The following PKIB variants were observed in gnomAD, a reference collection of about 807,000 sequenced individuals.
PKIB encodes the protein cAMP-dependent protein kinase inhibitor beta.
PKIB carries 2 observed loss-of-function variants against 4.5 expected under a neutral mutation model. That is an observed-to-expected ratio of 0.44 (90% confidence interval 0.18 to 1.39). PKIB has a LOEUF of 1.39. Ranked by LOEUF, PKIB falls within the 40% of genes most tolerant of loss-of-function variation. PKIB has a pLI of 0.27. For synonymous variants in PKIB, 38 were observed against 36.0 expected, an observed-to-expected ratio of 1.06 and a Z score of -0.20; for missense variants, 94 against 92.6, an observed-to-expected ratio of 1.02 and a Z score of -0.06.
intron 2 of PKIB, among the ~76,000 whole-genome samples, chr6:122,573,988 G>C (rs1329695876): frequency 6.6e-6 from 1 of 152,090 alleles, no homozygotes; most frequent in African/African-American, 2.4e-5. Context: ...AACTATCTCT[G>C]TTCACCCATG....
intron 2 of PKIB, among the ~76,000 whole-genome samples, chr6:122,496,663 CCAGT>C (rs1451654084): frequency 6.6e-6 from 1 of 152,000 alleles, no homozygotes; most frequent in African/African-American, 2.4e-5. Context: ...TTAAACTAAT[CCAGT>C]CAGACAAAAA....
At chr6:122,561,721 T>C (rs915454090) in intron 2 of PKIB, among the ~76,000 whole-genome samples, 6 of 152,062 alleles carry the variant, frequency 3.9e-5, no homozygotes, top group African/African-American at 1.4e-4. Context: ...TTGTCTGATA[T>C]AAGAAGAGCT....
At chr6:122,576,295 C>A (rs1344869723) in intron 2 of PKIB, among the ~76,000 whole-genome samples, 3 of 150,766 alleles carry the variant, frequency 2.0e-5, no homozygotes, top group Non-Finnish European at 4.4e-5. Flanking sequence ...GTCAGGAGAT[C>A]AAGACCATCC....
At chr6:122,508,914 C>A (rs1418182499) in intron 2 of PKIB, among the ~76,000 whole-genome samples, 1 of 151,994 alleles carries the variant, frequency 6.6e-6, no homozygotes, top group Non-Finnish European at 1.5e-5. Flanking sequence ...CCATGCCCAG[C>A]TAATTTTTGT....
At chr6:122,684,561 T>A (rs1262869146) in intron 3 of PKIB, among the ~76,000 whole-genome samples, 3 of 151,970 alleles carry the variant, frequency 2.0e-5, no homozygotes, top group East Asian at 1.9e-4. Context: ...TGAAAAAAAT[T>A]ATAGAAACCA....
chr6:122,516,124 C>T (rs1776744176), intron 2 of PKIB, among the ~76,000 whole-genome samples: 1 of 152,130 alleles, frequency 6.6e-6, no homozygotes, highest in Non-Finnish European at 1.5e-5. Flanking sequence ...AATTTAGTGT[C>T]CTGCAATAGA....
chr6:122,580,367 T>C (rs1400147471), intron 2 of PKIB, among the ~76,000 whole-genome samples: 2 of 152,202 alleles, frequency 1.3e-5, no homozygotes, highest in Non-Finnish European at 2.9e-5. Flanking sequence ...TGTTGGCATC[T>C]AATGATGTTA....
At chr6:122,563,563 G>A (rs1773095415) in intron 2 of PKIB, among the ~76,000 whole-genome samples, 1 of 152,082 alleles carries the variant, frequency 6.6e-6, no homozygotes, top group Non-Finnish European at 1.5e-5. Flanking sequence ...ACCAGGGAGG[G>A]TAGGGAAGGA....
chr6:122,661,047 C>A (rs188012848), intron 2 of PKIB, among the ~76,000 whole-genome samples: 22 of 151,988 alleles, frequency 1.4e-4, no homozygotes, highest in Middle Eastern at 3.4e-3. Context: ...AATAAAATAA[C>A]CTCAATTTGG....
chr6:122,604,108 G>T (rs371527875), intron 3 of PKIB, among the ~76,000 whole-genome samples: 1 of 152,170 alleles, frequency 6.6e-6, no homozygotes, highest in Non-Finnish European at 1.5e-5. Context: ...AGCAATTCAT[G>T]TACTGGTCCT....
chr6:122,591,513 C>T (rs147272627), intron 3 of PKIB, among the ~76,000 whole-genome samples: 1 of 152,168 alleles, frequency 6.6e-6, no homozygotes, highest in East Asian at 1.9e-4. Flanking sequence ...TATCTTTTCT[C>T]TTATCGTTTT....
At chr6:122,520,739 A>G (rs1053934838) in intron 2 of PKIB, among the ~76,000 whole-genome samples, 6 of 137,060 alleles carry the variant, frequency 4.4e-5, no homozygotes, top group Non-Finnish European at 7.5e-5. Context: ...TTAAATTATT[A>G]TAACTAAGCT....
chr6:122,559,071 G>A (rs937447583), intron 2 of PKIB, among the ~76,000 whole-genome samples: 12 of 152,200 alleles, frequency 7.9e-5, no homozygotes, highest in African/African-American at 2.4e-4. Flanking sequence ...CACTGCAAAT[G>A]CTGTTAATTC....
At chr6:122,561,839 G>T (rs9401557) in intron 2 of PKIB, among the ~76,000 whole-genome samples, 17,198 of 151,938 alleles carry the variant, frequency 0.11, 1,233 homozygotes, top group East Asian at 0.21. Context: ...GAAGTCAGCA[G>T]GTAGTTGGTT....
At chr6:122,657,427 C>T (rs141756208) in intron 2 of PKIB, among the ~76,000 whole-genome samples, 1,563 of 152,176 alleles carry the variant, frequency 0.01, 12 homozygotes, top group Non-Finnish European at 0.015. Context: ...GCTATTTATC[C>T]GAACATAATA....
chr6:122,478,407 A>T (rs562159196), intron 2 of PKIB: 1 of 152,322 alleles, frequency 6.6e-6, no homozygotes, highest in South Asian at 2.1e-4. Flanking sequence ...CCATGGAGAA[A>T]GCATTCCCAG....
chr6:122,484,395 C>T (rs532493537), intron 2 of PKIB, among the ~76,000 whole-genome samples: 10 of 152,246 alleles, frequency 6.6e-5, no homozygotes, highest in African/African-American at 2.4e-4. Flanking sequence ...GGCCACTTTA[C>T]ATCTTAACTG....
intron 2 of PKIB, among the ~76,000 whole-genome samples, chr6:122,542,638 C>A (rs1176828312): frequency 6.6e-6 from 1 of 152,052 alleles, no homozygotes; most frequent in Admixed American, 6.5e-5. Context: ...CTGGGGGGTG[C>A]CTCCCAGTTA....
In PKIB at chr6:122,628,517, G is replaced by C. The variant is rs1469603978; in HGVS notation, c.-160-4766G>C. 5.9e-5 allele frequency among the ~76,000 whole-genome samples: 9 copies of C among 152,092 alleles called. No homozygotes were observed. In the South Asian group the frequency reaches 1.9e-3, roughly 32 times the overall value. On this transcript the variant is annotated intron_variant, in intron 1 of 4. Transcript: ENST00000368452. ...AGTTACTGAATATTTTTGAGCTTCA[G>C]TTTTGTCATTTGCAAAATTGAGATC...
Sources: gnomAD v4.1 joint callset for allele counts (sites outside exome capture counted in the v4.1 genomes callset) on GRCh38, gnomAD v4.1.1 for gene constraint, MANE v1.5 for transcripts, NCBI Gene and HGNC (gene_info 2026-07-23, HGNC 2026-07-21) for gene names.